Variants in GMDS observed in about 807,000 individuals in gnomAD.
GMDS encodes the protein GDP-mannose 4,6 dehydratase.
In GMDS, 20 loss-of-function variants were observed where a neutral mutation model predicts 49.9. That is an observed-to-expected ratio of 0.40 (90% confidence interval 0.28 to 0.58). The LOEUF is 0.58. Among genes scored for constraint, GMDS ranks in the 20% least tolerant of loss-of-function variants. The probability of loss-of-function intolerance (pLI) is 0.42; values close to 1 mark genes in which losing one functional copy is unlikely to be tolerated. For missense variants in GMDS, 362 were observed against 481.4 expected (o/e 0.75, Z 2.32); for synonymous variants, 177 against 178.6 (o/e 0.99, Z 0.07).
chr6:1,810,747 A>C lies in GMDS; in HGVS notation c.772-68161T>G, dbSNP rs377490532. Among the ~76,000 whole-genome samples the C allele has an allele frequency of 1.2e-4, 19 of 152,330 alleles. No homozygotes were observed. The South Asian group carries it at 3.1e-3, about 25-fold the overall frequency. ...AGGAGATGACTGGACATAACCTTGC[A>C]GACAAGCAGGCCAATGGCGAGATCA... On this transcript the variant is annotated intron_variant, in intron 7 of 10. Transcript: ENST00000380815.
intron 7 of GMDS, among the ~76,000 whole-genome samples, chr6:1,876,015 C>G (rs1259642978): frequency 7.7e-6 from 1 of 129,266 alleles, no homozygotes; most frequent in East Asian, 2.4e-4. Flanking sequence ...AGCACTATCT[C>G]AAAAAAAAAA....
chr6:1,803,399 T>A (rs1235491527), intron 7 of GMDS, among the ~76,000 whole-genome samples: 2 of 152,110 alleles, frequency 1.3e-5, no homozygotes, highest in Admixed American at 1.3e-4. Context: ...TTTTTTTTTC[T>A]TTTTTCCGTC....
chr6:2,105,564 T>G (rs1382365803), intron 4 of GMDS, among the ~76,000 whole-genome samples: 1 of 152,200 alleles, frequency 6.6e-6, no homozygotes, highest in African/African-American at 2.4e-5. Context: ...ATGTAACAAT[T>G]AATCCATGCA....
intron 8 of GMDS, among the ~76,000 whole-genome samples, chr6:1,728,359 C>T (rs1766666440): frequency 6.6e-6 from 1 of 152,130 alleles, no homozygotes; most frequent in Non-Finnish European, 1.5e-5. Flanking sequence ...TCTATTTTTG[C>T]TCACATTTCG....
chr6:2,084,848 T>A (rs1307728889), intron 4 of GMDS, among the ~76,000 whole-genome samples: 1 of 151,998 alleles, frequency 6.6e-6, no homozygotes, highest in African/African-American at 2.4e-5. Flanking sequence ...AGTAAAAGAG[T>A]GGGTTTACAT....
intron 7 of GMDS, among the ~76,000 whole-genome samples, chr6:1,826,328 C>A (rs555764733): frequency 2.6e-5 from 4 of 152,160 alleles, no homozygotes; most frequent in Non-Finnish European, 5.9e-5. Flanking sequence ...ACCGAAACGT[C>A]ATTATGTGGT....
chr6:2,241,988 G>T (rs1467945625), intron 1 of GMDS, among the ~76,000 whole-genome samples: 1 of 152,152 alleles, frequency 6.6e-6, no homozygotes, highest in Non-Finnish European at 1.5e-5. Context: ...ACTAGATGAA[G>T]GCATGTGGGA....
chr6:1,882,427 A>G (rs1759406522), intron 7 of GMDS, among the ~76,000 whole-genome samples: 1 of 152,258 alleles, frequency 6.6e-6, no homozygotes, highest in African/African-American at 2.4e-5. Context: ...TCAAATATGA[A>G]TAAATGGCTA....
At position 1,991,802 on chromosome 6, in the gene GMDS, G is replaced by A. The variant is rs141093487; in HGVS notation, c.346-30836C>T. ...ATTTGTAATTAGAGTACCTGCCGAT[G>A]TAATTTGATAAGATGAAGTCATACA... On this transcript the variant is annotated intron_variant, in intron 4 of 10. Transcript: ENST00000380815. 5.4e-3 allele frequency among the ~76,000 whole-genome samples: 816 copies of A among 152,340 alleles called. 8 individuals carry two copies. Among genetic ancestry groups the A allele is most frequent in the Middle Eastern group, 0.041 (12 of 294 alleles).
At chr6:2,048,528 C>T (rs1364943704) in intron 4 of GMDS, among the ~76,000 whole-genome samples, 2 of 152,286 alleles carry the variant, frequency 1.3e-5, no homozygotes, top group East Asian at 3.9e-4. Context: ...TGTCCCTTTG[C>T]ATTTACATAT....
At chr6:1,740,511 C>T (rs868272227) in intron 8 of GMDS, among the ~76,000 whole-genome samples, 6 of 150,208 alleles carry the variant, frequency 4.0e-5, no homozygotes, top group African/African-American at 1.5e-4. Context: ...GAGCCAAGAT[C>T]GTGCCACTGC....
chr6:2,197,948 GA>G (rs1474219524), intron 1 of GMDS, among the ~76,000 whole-genome samples: 4 of 152,230 alleles, frequency 2.6e-5, no homozygotes, highest in African/African-American at 7.2e-5. Flanking sequence ...ATTAGAGTCA[GA>G]AAGCCAGGTC....
chr6:2,171,000 GA>G (rs1161674272), intron 1 of GMDS, among the ~76,000 whole-genome samples: 18 of 143,350 alleles, frequency 1.3e-4, no homozygotes, highest in East Asian at 6.1e-4. Flanking sequence ...GTCTCCAAAA[GA>G]AAAAAAAAAT....
At chr6:2,148,340 G>A (rs1245838456) in intron 1 of GMDS, among the ~76,000 whole-genome samples, 1 of 152,184 alleles carries the variant, frequency 6.6e-6, no homozygotes, top group Non-Finnish European at 1.5e-5. Flanking sequence ...AAGCCGGGCA[G>A]CAAAGTATAA....
At chr6:2,204,284 T>TC (rs1561655553) in intron 1 of GMDS, among the ~76,000 whole-genome samples, 1 of 152,102 alleles carries the variant, frequency 6.6e-6, no homozygotes, top group African/African-American at 2.4e-5. Flanking sequence ...TCTCCCTTCT[T>TC]CCCCCAAATC....
At chr6:2,154,026 C>T (rs1462689177) in intron 1 of GMDS, among the ~76,000 whole-genome samples, 1 of 152,074 alleles carries the variant, frequency 6.6e-6, no homozygotes, top group African/African-American at 2.4e-5. Flanking sequence ...CTTGTCCATA[C>T]AATACTTTCA....
At chr6:1,815,451 T>C (rs774163295) in intron 7 of GMDS, among the ~76,000 whole-genome samples, 8 of 152,216 alleles carry the variant, frequency 5.3e-5, no homozygotes, top group African/African-American at 1.7e-4. Flanking sequence ...CTCAACCTTA[T>C]TGATCCCACT....
chr6:1,839,760 C>T (rs1417985023), intron 7 of GMDS, among the ~76,000 whole-genome samples: 2 of 152,122 alleles, frequency 1.3e-5, no homozygotes. Flanking sequence ...TAGATGCTAC[C>T]CATGGAAGGG....
At chr6:2,208,363 C>T (rs367604880) in intron 1 of GMDS, among the ~76,000 whole-genome samples, 35 of 152,168 alleles carry the variant, frequency 2.3e-4, no homozygotes, top group Non-Finnish European at 3.5e-4. Flanking sequence ...TTCAATATTC[C>T]GTTTTACAGA....
Sources: allele counts gnomAD v4.1 joint callset (sites outside exome capture counted in the v4.1 genomes callset), GRCh38; gene constraint gnomAD v4.1.1; transcripts MANE v1.5; gene names NCBI Gene and HGNC (gene_info 2026-07-23, HGNC 2026-07-21).